PHF11: variants seen among roughly 807,000 people sequenced by gnomAD.
The protein encoded by PHF11 is PHD finger protein 11, also known as BRCA1 C-terminus-associated protein.
Under a neutral mutation model 40.5 loss-of-function variants are expected in PHF11, and 38 were observed. That is an observed-to-expected ratio of 0.94 (90% CI 0.72 to 1.23). The LOEUF is 1.23. Among genes scored for constraint, PHF11 ranks in the 50% most tolerant of loss-of-function variants. The pLI is 0.00. For synonymous variants in PHF11, 127 were observed against 138.2 expected (o/e 0.92, Z 0.57); for missense variants, 369 against 392.4 (o/e 0.94, Z 0.50).
At chr13:49,522,767 GTT>G (rs1184862570) in intron 6 of PHF11, among the ~76,000 whole-genome samples, 3 of 41,976 alleles carry the variant, frequency 7.1e-5, no homozygotes, top group East Asian at 6.9e-4. Flanking sequence ...GGGTTTTTTT[GTT>G]TTTTTTTTTT....
At chr13:49,501,533 A>G (rs1296056435) in intron 1 of PHF11, among the ~76,000 whole-genome samples, 1 of 152,198 alleles carries the variant, frequency 6.6e-6, no homozygotes, top group Admixed American at 6.5e-5. Flanking sequence ...GCATTGTTCA[A>G]TGGAATAAAA....
chr13:49,524,297 A>C, intron 8 of PHF11, 81 bp downstream of exon 8: 1 of 1,156,892 alleles, frequency 8.6e-7, no homozygotes, highest in Non-Finnish European at 1.2e-6. Context: ...CAAGAAAAAA[A>C]AAAAGGCCCA....
chr13:49,511,775 G>A (rs577223258), intron 2 of PHF11, among the ~76,000 whole-genome samples: 5 of 152,058 alleles, frequency 3.3e-5, no homozygotes, highest in Non-Finnish European at 7.4e-5. Context: ...TTTATTTATT[G>A]GTCTCATCCA....
Position 49,496,067 on chromosome 13 carries a change from C to A in PHF11, c.66C>A (p.Pro22=). Residue 22 remains proline, a synonymous_variant, in exon 1 of 10, where the codon CCC becomes CCA. Coordinates refer to ENST00000378319, the MANE Select transcript of PHF11 (RefSeq NM_001040443.3). The stretch of plus-strand genomic sequence containing the variant: ...GCGCCAGCAGCCCGGAGGCCCGGCC[C>A]GCGCAGGAGGCGCTCCTCCTTCCCA... ...VLGASSPEAR[P]AQEALLLPTG... The A allele has an allele frequency of 7.4e-7, 1 of 1,355,322 alleles. No individual in the cohort carries two copies. Among genetic ancestry groups the A allele is most frequent in the Non-Finnish European group, 9.5e-7 (1 of 1,052,418 alleles). The allele number at this position is 1,355,322 out of a possible 1,614,324, so 84.0% of individuals were successfully genotyped here.
chr13:49,518,374 C>T (rs1457143723), intron 4 of PHF11: 1 of 243,130 alleles, frequency 4.1e-6, no homozygotes. Flanking sequence ...ATAATGAGAT[C>T]AATGTTAGGA....
At chr13:49,503,955 C>T (rs1188897504) in intron 1 of PHF11, among the ~76,000 whole-genome samples, 2 of 151,958 alleles carry the variant, frequency 1.3e-5, no homozygotes, top group African/African-American at 4.8e-5. Flanking sequence ...AACTCCTGAC[C>T]TCAGGTGATC....
At chr13:49,510,506 A>G (rs1420986264) in intron 2 of PHF11, among the ~76,000 whole-genome samples, 1 of 151,952 alleles carries the variant, frequency 6.6e-6, no homozygotes. Context: ...TATTTATTTG[A>G]GACAAGGTCT....
intron 1 of PHF11, among the ~76,000 whole-genome samples, chr13:49,503,541 C>T (rs1405904934): frequency 2.6e-5 from 4 of 152,170 alleles, no homozygotes; most frequent in Admixed American, 6.5e-5. Flanking sequence ...CTGTTGAGCA[C>T]GTACAATGTG....
chr13:49,524,679 T>C (rs1334747300), intron 8 of PHF11, among the ~76,000 whole-genome samples: 1 of 152,134 alleles, frequency 6.6e-6, no homozygotes, highest in African/African-American at 2.4e-5. Context: ...TTTCACCATG[T>C]TGGCCAGGCT....
At chr13:49,505,624 C>T (rs1478195734) in intron 1 of PHF11, among the ~76,000 whole-genome samples, 17 of 152,220 alleles carry the variant, frequency 1.1e-4, no homozygotes, top group Middle Eastern at 3.4e-3. Flanking sequence ...AAATCTTAAA[C>T]GAATTCTTGT....
At chr13:49,520,596 A>G (rs1277362945) in intron 4 of PHF11, among the ~76,000 whole-genome samples, 1 of 152,214 alleles carries the variant, frequency 6.6e-6, no homozygotes, top group Non-Finnish European at 1.5e-5. Flanking sequence ...TTTATACAGT[A>G]AAATCTCACT....
In PHF11 at chr13:49,506,008, A is replaced by G. The variant is rs538400428; in HGVS notation, c.95-627A>G. Among the ~76,000 whole-genome samples, 5 of 152,292 alleles carry G rather than the reference A, an allele frequency of 3.3e-5. No individual in the cohort carries two copies. In the East Asian group the frequency reaches 9.6e-4, roughly 29 times the overall value. On this transcript the variant is annotated intron_variant, in intron 1 of 9. Transcript: ENST00000378319. ...GTTTTCTTCTTCATTTGTAGTGACA[A>G]TAATGATTATTATTGAGAGCTTGCT... is the stretch of plus-strand genomic sequence containing the variant.
chr13:49,511,259 A>G (rs1013222814), intron 2 of PHF11, among the ~76,000 whole-genome samples: 3 of 151,198 alleles, frequency 2.0e-5, no homozygotes, highest in African/African-American at 7.3e-5. Context: ...AAAATCAGCT[A>G]TAAGCATCTG....
intron 9 of PHF11, among the ~76,000 whole-genome samples, chr13:49,527,931 T>C: frequency 8.7e-6 from 1 of 115,174 alleles, no homozygotes; most frequent in Non-Finnish European, 2.1e-5. Context: ...ATAAAGTTTG[T>C]ATATGTGTGT....
At chr13:49,504,563 C>T (rs1342411203) in intron 1 of PHF11, among the ~76,000 whole-genome samples, 2 of 117,074 alleles carry the variant, frequency 1.7e-5, no homozygotes, top group Admixed American at 8.8e-5. Context: ...CCCCTCTGCC[C>T]GGCCAGCCGC....
Position 49,522,109 on chromosome 13 carries a change from TA to T in PHF11, c.570+4del. The T allele has an allele frequency of 6.7e-7, 1 of 1,491,394 alleles. No homozygotes were observed. Among genetic ancestry groups the T allele is most frequent in the Non-Finnish European group, 9.3e-7 (1 of 1,072,238 alleles). The allele number at this position is 1,491,394 out of a possible 1,614,324, so 92.4% of individuals were successfully genotyped here. A position where few individuals can be genotyped will look rare whatever the true frequency, so the allele number is the denominator to read the frequency against. ...CCCCTCTCAGGCAATCATGTACAGG[TA>T]ATTTGACTTAGTTTTTATAGCTTTG... On this transcript the variant is annotated splice_donor_region_variant and intron_variant, in intron 6 of 9. Coordinates refer to ENST00000378319, the MANE Select transcript of PHF11 (RefSeq NM_001040443.3).
chr13:49,523,588 T>C (rs985546258), intron 7 of PHF11: 1 of 290,550 alleles, frequency 3.4e-6, no homozygotes, highest in African/African-American at 2.3e-5. Flanking sequence ...GACATTCCAC[T>C]AACAACACAT....
intron 9 of PHF11, among the ~76,000 whole-genome samples, chr13:49,526,796 T>C (rs1959314058): frequency 6.6e-6 from 1 of 152,076 alleles, no homozygotes; most frequent in Non-Finnish European, 1.5e-5. Context: ...TGAGAAAAAC[T>C]CATTAAAAAA....
At chr13:49,513,634 A>G (rs1468012631) in intron 3 of PHF11, among the ~76,000 whole-genome samples, 2 of 119,694 alleles carry the variant, frequency 1.7e-5, no homozygotes, top group East Asian at 4.7e-4. Context: ...CCCGGCCAAC[A>G]TTTAATATTT....
Sources: allele counts gnomAD v4.1 joint callset (sites outside exome capture counted in the v4.1 genomes callset), GRCh38; gene constraint gnomAD v4.1.1; transcripts MANE v1.5; gene names NCBI Gene and HGNC (gene_info 2026-07-23, HGNC 2026-07-21).